Variants in KLC1 observed in about 807,000 individuals in gnomAD.
KLC1 encodes kinesin 2 60/70kDa.
Under a neutral mutation model 84.2 loss-of-function variants are expected in KLC1, and 30 were observed. The ratio of observed to expected loss-of-function variants is 0.36; its 90% confidence interval spans 0.27 to 0.48. KLC1 has a LOEUF of 0.48. Among genes scored for constraint, KLC1 ranks in the 20% least tolerant of loss-of-function variants. KLC1 has a pLI of 0.99. For missense variants in KLC1, 499 were observed against 805.4 expected, an observed-to-expected ratio of 0.62 and a Z score of 4.60; for synonymous variants, 289 against 293.3, an observed-to-expected ratio of 0.99 and a Z score of 0.15.
At chr14:103,642,895 A>G (rs1466656082) in intron 1 of KLC1, among the ~76,000 whole-genome samples, 1 of 151,344 alleles carries the variant, frequency 6.6e-6, no homozygotes, top group Non-Finnish European at 1.5e-5. Context: ...CAGCCTCCTG[A>G]GTTGCTGGGA....
In KLC1 at chr14:103,693,693, C is replaced by T; in HGVS notation, c.1848+1268C>T. 5 of 1,511,004 alleles carry T rather than the reference C, an allele frequency of 3.3e-6. No homozygotes were observed. Among genetic ancestry groups the T allele is most frequent in the Non-Finnish European group, 4.4e-6 (5 of 1,132,980 alleles). 93.6% of individuals were successfully genotyped at this position (1,511,004 alleles called of 1,614,324 possible). A position where few individuals can be genotyped will look rare whatever the true frequency, so the allele number is the denominator to read the frequency against. ...CCTGCCACGCCCCTCACCGCCCTGC[C>T]CGGAGGCGCCAGCCGCACTCCTTGG... On this transcript the variant is annotated intron_variant, in intron 15 of 16. Transcript: ENST00000334553. This position sits in a 1 kb window ranked among gnomAD's most constrained non-coding sequence, Gnocchi z 5.1.
chr14:103,700,208 C>G (rs1301227458), intron 15 of KLC1: 1 of 195,690 alleles, frequency 5.1e-6, no homozygotes, highest in East Asian at 1.3e-4. Context: ...CCAGTGCCTC[C>G]CGTGCATCCA....
chr14:103,685,238 T>TTTA, intron 13 of KLC1: 1 of 1,406,106 alleles, frequency 7.1e-7, no homozygotes, highest in Non-Finnish European at 9.2e-7. Context: ...TAAAATGTGT[T>TTTA]TTTAAGAGAA....
intron 15 of KLC1, chr14:103,698,481 A>G: frequency 2.4e-6 from 1 of 413,150 alleles, no homozygotes; most frequent in East Asian, 5.3e-5. Context: ...GGCGGCTCCC[A>G]GGGAGTCACT....
chr14:103,673,831 G>A (rs1325440006), intron 9 of KLC1, among the ~76,000 whole-genome samples: 1 of 152,086 alleles, frequency 6.6e-6, no homozygotes, highest in Non-Finnish European at 1.5e-5. Context: ...GCTAAGGCAG[G>A]AGAATGGCGT....
chr14:103,693,683 AC>A lies in KLC1; in HGVS notation c.1848+1260del, dbSNP rs1321920170. ...ACCGCCCCGCCCTGCCACGCCCCTC[AC>A]CGCCCTGCCCGGAGGCGCCAGCCGC... is the stretch of plus-strand genomic sequence containing the variant. On this transcript the variant is annotated intron_variant, in intron 15 of 16. Transcript: ENST00000334553. This position sits in a 1 kb window ranked among gnomAD's most constrained non-coding sequence, Gnocchi z 5.1. 4 of 1,522,240 alleles carry A rather than the reference AC, an allele frequency of 2.6e-6. No homozygotes were observed. The highest frequency in any genetic ancestry group is 1.2e-5 in the South Asian group (1 of 83,244). 94.3% of individuals were successfully genotyped at this position (1,522,240 alleles called of 1,614,324 possible).
intron 7 of KLC1, 90 bp from the exon 8 acceptor site, chr14:103,672,924 T>A (rs1595479966): frequency 2.5e-6 from 3 of 1,183,654 alleles, no homozygotes; most frequent in Admixed American, 2.1e-5. Flanking sequence ...CGTGCTTATG[T>A]TGAGGAAGAT....
In KLC1 at chr14:103,679,545, G is replaced by T. The variant is rs2081183624; in HGVS notation, c.1650G>T (p.Gly550=). ...TGAGTATGAGCGTAGAGTGGAACGG[G>T]GTAAGTACAGTACACAGCGGGCACG... ...EEVSMSVEWN[G]DGTGSLKRSG... Residue 550 remains glycine (G), a splice_region_variant and synonymous_variant, in exon 13 of 17, where the codon GGG becomes GGT. Coordinates refer to ENST00000334553, the MANE Select transcript of KLC1 (RefSeq NM_001394837.1). 1 of 1,612,736 alleles carries T rather than the reference G, an allele frequency of 6.2e-7. No homozygotes were observed. Among genetic ancestry groups the T allele is most frequent in the South Asian group, 1.1e-5 (1 of 91,044 alleles).
intron 12 of KLC1, 172 bp from the exon 13 acceptor site, chr14:103,679,212 C>T (rs2081163189): frequency 1.3e-5 from 10 of 777,380 alleles, no homozygotes; most frequent in Middle Eastern, 6.9e-4. Context: ...CTTTGTGTTT[C>T]CAGTTCCCCG....
At chr14:103,676,677 C>T (rs1288403826) in intron 11 of KLC1, among the ~76,000 whole-genome samples, 3 of 152,204 alleles carry the variant, frequency 2.0e-5, no homozygotes, top group Non-Finnish European at 2.9e-5. Flanking sequence ...TTACTTGTTT[C>T]AGAGACATAG....
At chr14:103,644,576 T>C (rs1046512206) in intron 1 of KLC1, among the ~76,000 whole-genome samples, 10 of 151,992 alleles carry the variant, frequency 6.6e-5, no homozygotes, top group African/African-American at 1.7e-4. Flanking sequence ...CTGTTTTTTT[T>C]CCTCCCTCTC....
intron 7 of KLC1, among the ~76,000 whole-genome samples, chr14:103,670,617 A>T (rs377597171): frequency 6.6e-6 from 1 of 151,382 alleles, no homozygotes; most frequent in African/African-American, 2.4e-5. Context: ...TTACAGGCTG[A>T]GCCACTGTGC....
chr14:103,634,560 C>T (rs774817391), intron 1 of KLC1, among the ~76,000 whole-genome samples: 1 of 151,876 alleles, frequency 6.6e-6, no homozygotes, highest in African/African-American at 2.4e-5. Context: ...TTGAGCCAGT[C>T]GGGTGTGATG....
chr14:103,661,043 G>A (rs1256642132), intron 3 of KLC1, among the ~76,000 whole-genome samples: 1 of 152,028 alleles, frequency 6.6e-6, no homozygotes. Flanking sequence ...GAGTACTTAC[G>A]AGTGCCTGTT....
chr14:103,649,887 G>T (rs2078281706), intron 1 of KLC1, among the ~76,000 whole-genome samples: 1 of 152,042 alleles, frequency 6.6e-6, no homozygotes, highest in African/African-American at 2.4e-5. Context: ...AGTAGAGACG[G>T]GGTTTCACCG....
intron 5 of KLC1, among the ~76,000 whole-genome samples, chr14:103,666,409 C>G (rs2079833370): frequency 6.6e-6 from 1 of 151,636 alleles, no homozygotes; most frequent in African/African-American, 2.4e-5. Context: ...TCACAGTGTG[C>G]TAGTCCCACT....
intron 1 of KLC1, 36 bp downstream of exon 1, chr14:103,629,530 C>T (rs1433243655): frequency 6.6e-6 from 1 of 152,656 alleles, no homozygotes; most frequent in East Asian, 1.9e-4. Flanking sequence ...CCGCGGCCCC[C>T]TCCTCATCCT....
At chr14:103,692,460 C>T (rs2082176085) in intron 15 of KLC1, 35 bp downstream of exon 15, 1 of 1,525,548 alleles carries the variant, frequency 6.6e-7, no homozygotes, top group Admixed American at 2.0e-5. Flanking sequence ...TCCTAGGCTG[C>T]CCAGACCACG....
At chr14:103,636,530 T>C (rs2077056431) in intron 1 of KLC1, among the ~76,000 whole-genome samples, 1 of 151,934 alleles carries the variant, frequency 6.6e-6, no homozygotes. Flanking sequence ...TTGCCTGTCT[T>C]TTTCATCTGA....
Sources: allele counts gnomAD v4.1 joint callset (sites outside exome capture counted in the v4.1 genomes callset), GRCh38; gene constraint gnomAD v4.1.1; non-coding constraint Gnocchi (gnomAD v3.1); transcripts MANE v1.5; gene names NCBI Gene and HGNC (gene_info 2026-07-23, HGNC 2026-07-21).